The following ARHGAP35 variants were observed in gnomAD, a reference collection of about 807,000 sequenced individuals.
ARHGAP35 encodes Rho GTPase activating protein 35.
ARHGAP35 carries 15 observed loss-of-function variants against 111.1 expected under a neutral mutation model. That is an observed-to-expected ratio of 0.13 (90% CI 0.09 to 0.21). The LOEUF is 0.21. ARHGAP35 is among the 10% of genes least tolerant of loss of function. The pLI is 1.00. For synonymous variants in ARHGAP35, 643 were observed against 710.3 expected (o/e 0.91, Z 1.51); for missense variants, 1,262 against 1,873.0 (o/e 0.67, Z 6.02).
At chr19:46,953,092 G>A (rs947507923) in intron 3 of ARHGAP35, among the ~76,000 whole-genome samples, 8 of 152,180 alleles carry the variant, frequency 5.3e-5, no homozygotes, top group Admixed American at 1.3e-4. Context: ...TATATATTGA[G>A]CATCTTATAC....
At chr19:46,891,553 A>G (rs2056023958) in intron 1 of ARHGAP35, among the ~76,000 whole-genome samples, 1 of 151,736 alleles carries the variant, frequency 6.6e-6, no homozygotes, top group African/African-American at 2.4e-5. Context: ...CAGCCTCCCA[A>G]GTAGCTGGGA....
At chr19:46,946,195 G>A (rs949130530) in intron 3 of ARHGAP35, among the ~76,000 whole-genome samples, 5 of 152,232 alleles carry the variant, frequency 3.3e-5, no homozygotes, top group Admixed American at 2.0e-4. Flanking sequence ...TTTCTTGAGC[G>A]TTGATATGGC....
In ARHGAP35 at chr19:46,901,703, T is replaced by C. The variant is rs568804623; in HGVS notation, c.-188-16785T>C. The stretch of plus-strand genomic sequence containing the variant: ...CAGCAGATACGTTGGCTTTCTCAGC[T>C]GTTGAATTTGAGTGCCCATTCCAAG... On this transcript the variant is annotated intron_variant, in intron 1 of 6. Transcript: ENST00000672722. This position sits in a 1 kb window ranked among gnomAD's most constrained non-coding sequence, Gnocchi z 4.5. Among the ~76,000 whole-genome samples, 1 of 152,362 alleles carries C rather than the reference T, an allele frequency of 6.6e-6. No homozygotes were observed. Among genetic ancestry groups the C allele is most frequent in the Non-Finnish European group, 1.5e-5 (1 of 68,036 alleles).
intron 1 of ARHGAP35, among the ~76,000 whole-genome samples, chr19:46,905,557 C>T (rs1439060214): frequency 4.5e-5 from 6 of 133,688 alleles, no homozygotes; most frequent in Non-Finnish European, 8.0e-5. Context: ...TGTATTCCAC[C>T]CCCCCCCCCC....
chr19:46,883,371 G>T (rs543195223), intron 1 of ARHGAP35, among the ~76,000 whole-genome samples: 1 of 152,224 alleles, frequency 6.6e-6, no homozygotes, highest in South Asian at 2.1e-4. Context: ...AAAGTGCTGG[G>T]ATTACAGGCG....
rs2056760863 is a variant in ARHGAP35 at position 47,003,776 on chromosome 19, T to C, written c.*3088T>C. On this transcript the variant is annotated 3_prime_UTR_variant, in exon 7 of 7. Transcript: ENST00000672722. ...TCACGGTGGACAGAGGGTGACATCA[T>C]AGGAGCAGCTCGCTGGCCAGAAGGG... 1 of 152,196 alleles carries C rather than the reference T, an allele frequency of 6.6e-6. No individual in the cohort carries two copies. The highest frequency in any genetic ancestry group is 2.4e-5 in the African/African-American group (1 of 41,416). The allele number at this position is 152,196 out of a possible 1,614,324, so 9.4% of individuals were successfully genotyped here.
rs2056740188 is a variant in ARHGAP35 at position 47,000,499 on chromosome 19, C to T, written c.4311C>T (p.Tyr1437=). 1 of 1,613,794 alleles carries T rather than the reference C, an allele frequency of 6.2e-7. No homozygotes were observed. The highest frequency in any genetic ancestry group is 8.5e-7 in the Non-Finnish European group (1 of 1,179,864). Residue 1437 remains tyrosine, a synonymous_variant, in exon 7 of 7, where the codon TAC becomes TAT. Transcript: ENST00000672722. This position sits in a 1 kb window ranked among gnomAD's most constrained non-coding sequence, Gnocchi z 6.9. ...TCCAGCAGTGCCCCTTCTTCTTCTA[C>T]AATCGGCCCATCACCGAGCCCCCCG... ...LFIQQCPFFF[Y]NRPITEPPGA...
rs902606918 is a variant in ARHGAP35 at position 46,926,461 on chromosome 19, G to A, written c.3681+4105G>A. On this transcript the variant is annotated intron_variant, in intron 2 of 6. Coordinates refer to ENST00000672722, the MANE Select transcript of ARHGAP35 (RefSeq NM_004491.5). The surrounding 1 kb of genome is among the most constrained non-coding windows in gnomAD (Gnocchi z 4.1). Reference sequence around the variant, plus strand: ...CGTTTGCAAAGACGAGATCAGGATCGGCAGGGTCTTATTTTAAAGCCAAAA... The same window carrying A: ...CGTTTGCAAAGACGAGATCAGGATCAGCAGGGTCTTATTTTAAAGCCAAAA... 3.3e-5 allele frequency among the ~76,000 whole-genome samples: 5 copies of A among 152,164 alleles called. No homozygotes were observed. The highest frequency in any genetic ancestry group is 9.7e-5 in the African/African-American group (4 of 41,426).
intron 1 of ARHGAP35, among the ~76,000 whole-genome samples, chr19:46,913,651 T>C (rs2056149757): frequency 1.3e-5 from 2 of 152,212 alleles, no homozygotes; most frequent in Admixed American, 6.5e-5. Flanking sequence ...TATTTTCCTC[T>C]CTGAAGTAGT....
chr19:46,928,616 T>G (rs11883269), intron 2 of ARHGAP35, among the ~76,000 whole-genome samples: 4,924 of 152,138 alleles, frequency 0.032, 266 homozygotes, highest in African/African-American at 0.11. Context: ...GTCACCAGAC[T>G]TCATGCCTTA....
chr19:46,958,401 AGT>A (rs997720292), intron 3 of ARHGAP35, among the ~76,000 whole-genome samples: 50 of 151,754 alleles, frequency 3.3e-4, no homozygotes, highest in Non-Finnish European at 6.8e-4. Context: ...AAAAAAAAAA[AGT>A]GTATGGTTTA....
At chr19:46,874,109 T>C (rs2055902989) in intron 1 of ARHGAP35, among the ~76,000 whole-genome samples, 1 of 152,204 alleles carries the variant, frequency 6.6e-6, no homozygotes, top group Admixed American at 6.5e-5. Flanking sequence ...TAATTAATTT[T>C]ATTTAAATAA....
At chr19:46,979,549 A>G (rs891459930) in intron 3 of ARHGAP35, among the ~76,000 whole-genome samples, 4 of 152,230 alleles carry the variant, frequency 2.6e-5, no homozygotes, top group African/African-American at 9.7e-5. Flanking sequence ...CAGGTCCAGA[A>G]GTCCTACTTG....
In ARHGAP35 at chr19:47,001,535, C is replaced by T; in HGVS notation, c.*847C>T. 3.0e-6 allele frequency: 2 copies of T among 657,038 alleles called. No individual in the cohort carries two copies. Among genetic ancestry groups the T allele is most frequent in the Non-Finnish European group, 4.5e-6 (2 of 442,806 alleles). The allele number at this position is 657,038 out of a possible 1,614,324, so 40.7% of individuals were successfully genotyped here. ...TCTTTGTGGCAGCAAAACCAGGATG[C>T]CTGGAGCTGTGGCCTGAGGGCCTGC... On this transcript the variant is annotated 3_prime_UTR_variant, in exon 7 of 7. Transcript: ENST00000672722. This position sits in a 1 kb window ranked among gnomAD's most constrained non-coding sequence, Gnocchi z 5.4.
chr19:46,967,039 C>T (rs1200729786), intron 3 of ARHGAP35, among the ~76,000 whole-genome samples: 2 of 151,834 alleles, frequency 1.3e-5, no homozygotes, highest in African/African-American at 4.8e-5. Context: ...CCGTGCTGAC[C>T]ACGTAGCCAT....
rs2056731949 is a variant in ARHGAP35, at chr19:46,999,131, A to G, written c.4037-173A>G. The G allele has an allele frequency of 1.7e-6, 1 of 599,484 alleles. No individual in the cohort carries two copies. Among genetic ancestry groups the G allele is most frequent in the East Asian group, 2.8e-5 (1 of 36,276 alleles). The allele number at this position is 599,484 out of a possible 1,614,324, so 37.1% of individuals were successfully genotyped here. A position where few individuals can be genotyped will look rare whatever the true frequency, so the allele number is the denominator to read the frequency against. The stretch of plus-strand genomic sequence containing the variant: ...CAGAGGTGGGCCAGACCCCTGGGCC[A>G]GTGCCACTGCCAGGTGTGCCAGCCT... On this transcript the variant is annotated intron_variant, in intron 5 of 6. Transcript: ENST00000672722. This position sits in a 1 kb window ranked among gnomAD's most constrained non-coding sequence, Gnocchi z 5.4.
chr19:46,878,097 C>T (rs2055935792), intron 1 of ARHGAP35, among the ~76,000 whole-genome samples: 1 of 152,118 alleles, frequency 6.6e-6, no homozygotes, highest in Non-Finnish European at 1.5e-5. Context: ...AATCTTGGCT[C>T]ACTGCACCTT....
At chr19:46,869,985 C>T (rs541361842) in intron 1 of ARHGAP35, among the ~76,000 whole-genome samples, 3 of 133,780 alleles carry the variant, frequency 2.2e-5, no homozygotes, top group East Asian at 2.2e-4. Flanking sequence ...CTTGCTTTGT[C>T]GCCCAGGCTG....
At chr19:46,952,718 G>A (rs1317277719) in intron 3 of ARHGAP35, among the ~76,000 whole-genome samples, 1 of 152,216 alleles carries the variant, frequency 6.6e-6, no homozygotes, top group African/African-American at 2.4e-5. Context: ...CTGTTGCCCA[G>A]GTTGGAGTGC....
Sources: allele counts gnomAD v4.1 joint callset (sites outside exome capture counted in the v4.1 genomes callset), GRCh38; gene constraint gnomAD v4.1.1; non-coding constraint Gnocchi (gnomAD v3.1); transcripts MANE v1.5; gene names NCBI Gene and HGNC (gene_info 2026-07-23, HGNC 2026-07-21).